Variants in NPSR1 observed in about 807,000 individuals in gnomAD.
NPSR1 encodes neuropeptide S receptor.
Under a neutral mutation model 46.9 loss-of-function variants are expected in NPSR1, and 48 were observed. The ratio of observed to expected loss-of-function variants is 1.02; its 90% CI spans 0.81 to 1.30. NPSR1 has a LOEUF of 1.30. Among genes scored for constraint, NPSR1 ranks in the 50% most tolerant of loss-of-function variants. The probability of loss-of-function intolerance (pLI) is 0.00; values close to 1 mark genes in which losing one functional copy is unlikely to be tolerated. For synonymous variants in NPSR1, 176 were observed against 168.1 expected, an observed-to-expected ratio of 1.05 and a Z score of -0.36; for missense variants, 450 against 449.5, an observed-to-expected ratio of 1.00 and a Z score of -0.01.
chr7:34,703,080 C>A (rs185820257), intron 2 of NPSR1, among the ~76,000 whole-genome samples: 1 of 152,334 alleles, frequency 6.6e-6, no homozygotes, highest in African/African-American at 2.4e-5. Context: ...AAAGGAGCGG[C>A]CAGGCGCGGT....
intron 2 of NPSR1, chr7:34,750,322 C>G: frequency 1.4e-6 from 1 of 708,784 alleles, no homozygotes; most frequent in South Asian, 1.4e-5. Context: ...CTTCTGTCAT[C>G]TAGGCTAAAA....
chr7:34,853,724 G>T (rs1275330780), downstream of NPSR1, among the ~76,000 whole-genome samples: 3 of 152,152 alleles, frequency 2.0e-5, no homozygotes, highest in Non-Finnish European at 4.4e-5. Flanking sequence ...ACTTTGGGAG[G>T]CCGAGGAGGG....
At chr7:34,874,382 C>T (rs1791529932) in intron 8 of NPSR1, among the ~76,000 whole-genome samples, 1 of 152,106 alleles carries the variant, frequency 6.6e-6, no homozygotes, top group African/African-American at 2.4e-5. Context: ...ATTCACCCTA[C>T]CATCAGGCTG....
chr7:34,792,643 A>ATATATATGTATATATATATTTT (rs1554331457), intron 3 of NPSR1, among the ~76,000 whole-genome samples: 1,895 of 90,844 alleles, frequency 0.021, 109 homozygotes, highest in Middle Eastern at 0.042. Flanking sequence ...GTGTATGTGT[A>ATATATATGTATATATATATTTT]TATATATATG....
intron 8 of NPSR1, chr7:34,849,287 C>A: frequency 7.1e-7 from 1 of 1,409,122 alleles, no homozygotes; most frequent in Non-Finnish European, 9.8e-7. Context: ...AGTTATTTAA[C>A]ATCTGTAAAC....
chr7:34,660,118 C>G (rs188633135), intron 1 of NPSR1: 4 of 456,722 alleles, frequency 8.8e-6, no homozygotes, highest in Non-Finnish European at 1.8e-5. Flanking sequence ...TCCTCTCTAT[C>G]CTAGCAACAT....
At chr7:34,673,841 A>G (rs1438623327) in intron 1 of NPSR1, among the ~76,000 whole-genome samples, 1 of 152,190 alleles carries the variant, frequency 6.6e-6, no homozygotes, top group African/African-American at 2.4e-5. Flanking sequence ...ACATATTTTC[A>G]TAATTGAGTG....
At chr7:34,783,920 A>T (rs191328499) in intron 3 of NPSR1, among the ~76,000 whole-genome samples, 96 of 152,276 alleles carry the variant, frequency 6.3e-4, no homozygotes, top group Non-Finnish European at 1.2e-3. Context: ...GCTGTCCTTT[A>T]GGAATCAAGT....
At position 34,834,351 on chromosome 7, in the gene NPSR1, T is replaced by C. The variant is rs771361080; in HGVS notation, c.681-33T>C. On this transcript the variant is annotated intron_variant, in intron 5 of 8. Coordinates refer to ENST00000360581, the MANE Select transcript of NPSR1 (RefSeq NM_207172.2). ...TGTCCTCACAGTAGGGATCCACCAG[T>C]CACTTTAATACTACCTTTGGTTCTT... 2.6e-6 allele frequency: 4 copies of C among 1,550,700 alleles called. No individual in the cohort carries two copies. In the East Asian group the frequency reaches 6.7e-5, roughly 26 times the overall value.
intron 3 of NPSR1, chr7:34,779,701 T>C: frequency 1.9e-6 from 1 of 538,810 alleles, no homozygotes; most frequent in Non-Finnish European, 2.8e-6. Context: ...TTTAAAAACA[T>C]ATTTCAATTT....
intron 6 of NPSR1, among the ~76,000 whole-genome samples, chr7:34,837,110 T>C (rs541934050): frequency 6.6e-6 from 1 of 152,344 alleles, no homozygotes; most frequent in African/African-American, 2.4e-5. Flanking sequence ...TGCAGTTATC[T>C]CTGAGTGGTC....
Position 34,849,390 on chromosome 7 carries a change from G to A in NPSR1, c.1026-175G>A, listed in dbSNP as rs758970377. 3.2e-6 allele frequency: 5 copies of A among 1,553,908 alleles called. No individual in the cohort carries two copies. In the South Asian group the frequency reaches 4.7e-5, roughly 15 times the overall value. The stretch of plus-strand genomic sequence containing the variant: ...CCTCTGGGCTCTGGTGCTGACCAGT[G>A]AGAAGGAGAGCTGTGAGTCATGGAG... On this transcript the variant is annotated intron_variant, in intron 8 of 8. Transcript: ENST00000360581.
rs528804568 is a variant in NPSR1, at chr7:34,724,806, T to A, written c.280+40122T>A. 2.0e-5 allele frequency among the ~76,000 whole-genome samples: 3 copies of A among 152,254 alleles called. No homozygotes were observed. In the East Asian group the frequency reaches 5.8e-4, roughly 29 times the overall value. On this transcript the variant is annotated intron_variant, in intron 2 of 8. Transcript: ENST00000360581. ...GCTTAGCATAGTATCTAGGTTACAG[T>A]AGGTGACCAATAAATGGGAGTGATA...
intron 2 of NPSR1, among the ~76,000 whole-genome samples, chr7:34,714,579 T>G (rs944586980): frequency 2.6e-5 from 4 of 152,184 alleles, no homozygotes; most frequent in Admixed American, 6.5e-5. Context: ...TCCCTCAGTT[T>G]CCAAAGATGA....
At chr7:34,812,454 G>A (rs532045601) in intron 4 of NPSR1, among the ~76,000 whole-genome samples, 1 of 152,288 alleles carries the variant, frequency 6.6e-6, no homozygotes, top group East Asian at 1.9e-4. Flanking sequence ...GCTGAAGTGG[G>A]ATGGGAGGCC....
intron 1 of NPSR1, among the ~76,000 whole-genome samples, chr7:34,683,990 T>C (rs1304263154): frequency 1.3e-5 from 2 of 152,242 alleles, no homozygotes; most frequent in African/African-American, 4.8e-5. Context: ...ATATGACTGC[T>C]TTTAACATTT....
intron 4 of NPSR1, among the ~76,000 whole-genome samples, chr7:34,817,804 C>A (rs969004026): frequency 2.6e-5 from 4 of 152,092 alleles, no homozygotes; most frequent in Non-Finnish European, 4.4e-5. Context: ...ATAAACAGAA[C>A]CAATGACAAA....
At chr7:34,792,715 T>TG (rs1787980054) in intron 3 of NPSR1, among the ~76,000 whole-genome samples, 2 of 98,920 alleles carry the variant, frequency 2.0e-5, no homozygotes, top group Admixed American at 1.3e-4. Flanking sequence ...ATATATATAT[T>TG]TATATATATA....
intron 2 of NPSR1, among the ~76,000 whole-genome samples, chr7:34,773,587 C>A (rs1274225260): frequency 6.6e-6 from 1 of 152,164 alleles, no homozygotes; most frequent in Non-Finnish European, 1.5e-5. Context: ...GTCAACTTGC[C>A]ACAAATCAAC....
Sources: allele counts gnomAD v4.1 joint callset (sites outside exome capture counted in the v4.1 genomes callset), GRCh38; gene constraint gnomAD v4.1.1; transcripts MANE v1.5; gene names NCBI Gene and HGNC (gene_info 2026-07-23, HGNC 2026-07-21).